POPDC2: variants seen among roughly 807,000 people sequenced by gnomAD.
POPDC2 encodes the protein popeye domain cAMP effector 2, also known as popeye domain-containing protein 2.
A neutral mutation model predicts 30.5 loss-of-function variants in POPDC2; 24 were observed. The observed-to-expected ratio is 0.79, with a 90% CI of 0.57 to 1.11. The LOEUF (loss-of-function observed/expected upper bound fraction) is 1.11, where lower values mean the gene tolerates loss of function less well. POPDC2 is among the 50% of genes least tolerant of loss of function. The pLI, the probability that POPDC2 is intolerant of heterozygous loss-of-function variation, is 0.00. For synonymous variants in POPDC2, 185 were observed against 183.3 expected, an observed-to-expected ratio of 1.01 and a Z score of -0.07; for missense variants, 409 against 447.0, an observed-to-expected ratio of 0.91 and a Z score of 0.77.
chr3:119,642,496 T>G lies in POPDC2; in HGVS notation c.*109A>C. 6.2e-7 allele frequency: 1 copy of G among 1,612,250 alleles called. No individual in the cohort carries two copies. Among genetic ancestry groups the G allele is most frequent in the Non-Finnish European group, 8.5e-7 (1 of 1,178,322 alleles). On this transcript the variant is annotated 3_prime_UTR_variant, in exon 4 of 4. Coordinates refer to ENST00000493094, the MANE Select transcript of POPDC2 (RefSeq NM_001369919.2). ...GATCCTTAAAGTTCAGGCGTGTGGG[T>G]TGGAGCCAAAGGGGCCTGTCCCCTG...
chr3:119,648,236 G>T lies in POPDC2; in HGVS notation c.1033C>A (p.Leu345Met). The change falls in exon 3 of 4, where the codon CTG (leucine) becomes ATG (methionine). Residue 345 changes from leucine to methionine, a missense_variant. Transcript: ENST00000493094. Reference sequence around the variant, plus strand: ...CCTGACACCTCCTCAAAATCCTCCAGCACCAGACTGGTGGAGTCCTCACCC... The same window carrying T: ...CCTGACACCTCCTCAAAATCCTCCATCACCAGACTGGTGGAGTCCTCACCC... ...ILGEDSTSLV[L>M]EDFEEVSGSE... 6.2e-7 allele frequency: 1 copy of T among 1,608,588 alleles called. No homozygotes were observed. Among genetic ancestry groups the T allele is most frequent in the Non-Finnish European group, 8.5e-7 (1 of 1,177,308 alleles).
intron 2 of POPDC2, among the ~76,000 whole-genome samples, chr3:119,653,928 C>A (rs1245332135): frequency 6.6e-6 from 1 of 152,148 alleles, no homozygotes. Context: ...AAGATGTGCA[C>A]CAGTTAGCAT....
chr3:119,648,366 G>C lies in POPDC2; in HGVS notation c.903C>G (p.Pro301=). ...AAGGGGGTGTTTGCTGGAGAGAGGT[G>C]GGTGTGGCCTGAGGAGGGGACACAG... The part of the protein sequence containing the change: ...EPAVSPPQAT[P]TSLQQTPPCS... Residue 301 remains proline (P), a synonymous_variant, in exon 3 of 4, where the codon CCC becomes CCG. Transcript: ENST00000493094. The C allele has an allele frequency of 6.2e-7, 1 of 1,614,130 alleles. No individual in the cohort carries two copies. The highest frequency in any genetic ancestry group is 1.3e-5 in the African/African-American group (1 of 75,008).
chr3:119,657,321 T>C (rs1374229262), intron 1 of POPDC2, among the ~76,000 whole-genome samples: 2 of 152,214 alleles, frequency 1.3e-5, no homozygotes, highest in Non-Finnish European at 2.9e-5. Context: ...TCAGCACTCC[T>C]GAGCCTTGCT....
intron 1 of POPDC2, among the ~76,000 whole-genome samples, chr3:119,657,887 G>A (rs185736019): frequency 5.9e-5 from 9 of 152,316 alleles, no homozygotes; most frequent in African/African-American, 1.9e-4. Context: ...GGAAGTTTGT[G>A]TTTTGAATTT....
At chr3:119,652,406 A>G (rs1051315905) in intron 2 of POPDC2, among the ~76,000 whole-genome samples, 1 of 152,238 alleles carries the variant, frequency 6.6e-6, no homozygotes, top group African/African-American at 2.4e-5. Context: ...TTAAGATAAC[A>G]CTTGACATTT....
intron 1 of POPDC2, among the ~76,000 whole-genome samples, chr3:119,658,800 T>C (rs2052907122): frequency 6.6e-6 from 1 of 152,194 alleles, no homozygotes; most frequent in South Asian, 2.1e-4. Context: ...ATACTTCAGG[T>C]TCTATAAATG....
chr3:119,650,292 G>A (rs74541520), intron 2 of POPDC2, among the ~76,000 whole-genome samples: 4,065 of 151,838 alleles, frequency 0.027, 60 homozygotes, highest in East Asian at 0.066. Context: ...TCTTTTTCTC[G>A]AATTCACTTC....
intron 1 of POPDC2, chr3:119,654,826 T>C: frequency 1.9e-6 from 1 of 523,380 alleles, no homozygotes; most frequent in South Asian, 2.5e-5. Flanking sequence ...ACCCTCATTT[T>C]TCCTCCTCCT....
rs1053149541 is a variant in POPDC2 at position 119,660,036 on chromosome 3, C to T, written c.388G>A (p.Val130Ile). ...QVPLQTYKEI[V>I]HCCEEQVLTL... ...AAGACCTGCTCCTCGCAGCAGTGAA[C>T]AATCTCCTTGTATGTCTGTAGGGGC... Residue 130 changes from valine to isoleucine, a missense_variant, in exon 1 of 4, where the codon GTT becomes ATT. By Grantham distance (29) the Val-to-Ile change is conservative. Transcript: ENST00000493094. The T allele has an allele frequency of 6.2e-7, 1 of 1,614,128 alleles. No individual in the cohort carries two copies. The highest frequency in any genetic ancestry group is 1.3e-5 in the African/African-American group (1 of 74,948).
At chr3:119,652,854 G>A (rs75022313) in intron 2 of POPDC2, among the ~76,000 whole-genome samples, 1 of 152,196 alleles carries the variant, frequency 6.6e-6, no homozygotes, top group Admixed American at 6.5e-5. Context: ...GTGTCAGGGT[G>A]GGGGCAGAAG....
intron 1 of POPDC2, among the ~76,000 whole-genome samples, chr3:119,657,895 T>C (rs962814861): frequency 6.6e-6 from 1 of 152,242 alleles, no homozygotes; most frequent in African/African-American, 2.4e-5. Flanking sequence ...GTGTTTTGAA[T>C]TTTATATGAG....
At chr3:119,654,381 G>A (rs369773713) in intron 2 of POPDC2, 124 bp downstream of exon 2, 61 of 691,252 alleles carry the variant, frequency 8.8e-5, no homozygotes, top group East Asian at 2.9e-4. Flanking sequence ...GAGTGCCCCC[G>A]CCTGTAGCTT....
rs34156828 is a variant in POPDC2 at position 119,648,281 on chromosome 3, T to C, written c.988A>G (p.Arg330Gly). The part of the protein sequence containing the change: ...PAPPTRARLS[R>G]PDSGILGEDS... ...TCACCCAGTATGCCACTGTCTGGCC[T>C]GGACAACCTGGCCCGGGTAGGAGGT... The change falls in exon 3 of 4, where the codon AGG (arginine) becomes GGG (glycine). Residue 330 changes from arginine (R) to glycine (G), a missense_variant. Physicochemically the swap from Arg to Gly is moderately radical, Grantham distance 125 (BLOSUM62 -2). Transcript: ENST00000493094. 1 of 1,613,938 alleles carries C rather than the reference T, an allele frequency of 6.2e-7. No homozygotes were observed. Among genetic ancestry groups the C allele is most frequent in the South Asian group, 1.1e-5 (1 of 91,054 alleles).
intron 3 of POPDC2, among the ~76,000 whole-genome samples, chr3:119,645,372 C>G (rs549318774): frequency 6.6e-6 from 1 of 152,220 alleles, no homozygotes; most frequent in African/African-American, 2.4e-5. Flanking sequence ...ACCATCCTGG[C>G]TAACACGGTG....
chr3:119,655,515 G>T (rs1290492895), intron 1 of POPDC2, among the ~76,000 whole-genome samples: 1 of 152,156 alleles, frequency 6.6e-6, no homozygotes. Flanking sequence ...AGTTCTGTTG[G>T]ATCCGCTGCT....
intron 2 of POPDC2, among the ~76,000 whole-genome samples, chr3:119,650,589 C>T (rs2052796561): frequency 6.6e-6 from 1 of 152,188 alleles, no homozygotes; most frequent in South Asian, 2.1e-4. Flanking sequence ...CTTGCCCAAT[C>T]TCATGATTGT....
chr3:119,649,064 C>T (rs2052781450), intron 2 of POPDC2, among the ~76,000 whole-genome samples: 1 of 152,166 alleles, frequency 6.6e-6, no homozygotes, highest in African/African-American at 2.4e-5. Flanking sequence ...GGTTGAAATG[C>T]TGACAACTAT....
At chr3:119,643,584 C>T (rs747591662) in intron 3 of POPDC2, 48 of 642,730 alleles carry the variant, frequency 7.5e-5, no homozygotes, top group East Asian at 2.3e-4. Context: ...ATCACAATCA[C>T]GCCTCACAGC....
Sources: gnomAD v4.1 joint callset for allele counts (sites outside exome capture counted in the v4.1 genomes callset) on GRCh38, gnomAD v4.1.1 for gene constraint, MANE v1.5 for transcripts, NCBI Gene and HGNC (gene_info 2026-07-23, HGNC 2026-07-21) for gene names.